Variants in ADGRL3 observed in about 807,000 individuals in gnomAD.
ADGRL3 encodes calcium-independent alpha-latrotoxin receptor 3.
In ADGRL3, 62 loss-of-function variants were observed where a neutral mutation model predicts 153.5. The ratio of observed to expected loss-of-function variants is 0.40; its 90% confidence interval spans 0.33 to 0.50. ADGRL3 has a LOEUF of 0.50. ADGRL3 is among the 20% of genes least tolerant of loss of function. The pLI is 0.47. For synonymous variants in ADGRL3, 710 were observed against 672.5 expected (o/e 1.06, Z -0.86); for missense variants, 1,641 against 1,859.4 (o/e 0.88, Z 2.16).
At chr4:62,069,329 A>C (rs965580319) in intron 26 of ADGRL3, among the ~76,000 whole-genome samples, 2 of 152,148 alleles carry the variant, frequency 1.3e-5, no homozygotes, top group Non-Finnish European at 2.9e-5. Context: ...ATTCTTTTGT[A>C]GTATTACCTA....
chr4:61,320,879 A>G (rs954037088), intron 1 of ADGRL3, among the ~76,000 whole-genome samples: 2 of 152,178 alleles, frequency 1.3e-5, no homozygotes, highest in Non-Finnish European at 2.9e-5. Context: ...AGATGTTTTC[A>G]GGGCAGAGTT....
chr4:61,791,660 T>A (rs1204592408), intron 8 of ADGRL3, among the ~76,000 whole-genome samples: 1 of 152,224 alleles, frequency 6.6e-6, no homozygotes, highest in Non-Finnish European at 1.5e-5. Context: ...CCTTCTGCAC[T>A]GCCCTAGCAG....
intron 25 of ADGRL3, among the ~76,000 whole-genome samples, chr4:62,051,718 G>A (rs530810399): frequency 5.9e-5 from 9 of 151,588 alleles, no homozygotes; most frequent in South Asian, 2.1e-4. Flanking sequence ...ATTTCCTCAC[G>A]TTTTTTGATT....
intron 5 of ADGRL3, among the ~76,000 whole-genome samples, chr4:61,619,233 C>G (rs921177012): frequency 6.6e-6 from 1 of 152,072 alleles, no homozygotes; most frequent in Non-Finnish European, 1.5e-5. Context: ...GTGCATAGAC[C>G]GTACAAAGTT....
chr4:61,490,552 C>G (rs899649168), intron 2 of ADGRL3, among the ~76,000 whole-genome samples: 1 of 152,052 alleles, frequency 6.6e-6, no homozygotes, highest in East Asian at 1.9e-4. Flanking sequence ...AGTTTGTCCT[C>G]TATGAATTTC....
At chr4:61,878,167 A>G (rs144495960) in intron 9 of ADGRL3, among the ~76,000 whole-genome samples, 373 of 152,246 alleles carry the variant, frequency 2.4e-3, no homozygotes, top group Non-Finnish European at 4.2e-3. Context: ...CTATGTCCTA[A>G]TCTCCCCTTC....
Position 61,541,203 on chromosome 4 carries a change from A to T in ADGRL3, c.259+23685A>T, listed in dbSNP as rs181533970. Among the ~76,000 whole-genome samples, 50 of 152,250 alleles carry T rather than the reference A, an allele frequency of 3.3e-4. 1 individual carries two copies. Among genetic ancestry groups the T allele is most frequent in the Admixed American group, 2.7e-3 (42 of 15,298 alleles). ...CAAATAAAAGTACTGAAGCAGCTTG[A>T]TTGCCTAGTCTTGGTTGTCTTTGTT... On this transcript the variant is annotated intron_variant, in intron 4 of 26. Coordinates refer to ENST00000683033, the MANE Select transcript of ADGRL3 (RefSeq NM_001387552.1).
chr4:61,460,330 T>A (rs917900137), intron 2 of ADGRL3, among the ~76,000 whole-genome samples: 18 of 152,108 alleles, frequency 1.2e-4, no homozygotes, highest in African/African-American at 4.1e-4. Flanking sequence ...AGGGTGTCCT[T>A]TCCCCAACGT....
chr4:61,901,655 T>C (rs539611992), intron 11 of ADGRL3, among the ~76,000 whole-genome samples: 3 of 152,326 alleles, frequency 2.0e-5, no homozygotes, highest in African/African-American at 7.2e-5. Context: ...ATGCTATGTG[T>C]AATTCCTTTA....
At chr4:61,400,260 G>C (rs1476326512) in intron 2 of ADGRL3, among the ~76,000 whole-genome samples, 2 of 151,756 alleles carry the variant, frequency 1.3e-5, no homozygotes, top group Non-Finnish European at 3.0e-5. Context: ...AATATTACCA[G>C]TGGATTTGAG....
chr4:61,821,329 TTTTATTTATTTA>T (rs34109310), intron 9 of ADGRL3, among the ~76,000 whole-genome samples: 15 of 149,952 alleles, frequency 1.0e-4, no homozygotes, highest in Middle Eastern at 3.4e-3. Flanking sequence ...GTGAACTACT[TTTTATTTATTTA>T]TTTATTTATT....
At chr4:61,316,715 G>T (rs1578239364) in intron 1 of ADGRL3, among the ~76,000 whole-genome samples, 1 of 152,236 alleles carries the variant, frequency 6.6e-6, no homozygotes, top group African/African-American at 2.4e-5. Flanking sequence ...GCTGTCAACT[G>T]TAAAAAGAAC....
chr4:62,071,729 T>C lies in ADGRL3; in HGVS notation c.*821T>C. The C allele has an allele frequency of 2.4e-6, 1 of 423,340 alleles. No individual in the cohort carries two copies. Among genetic ancestry groups the C allele is most frequent in the Non-Finnish European group, 4.7e-6 (1 of 214,830 alleles). The allele number at this position is 423,340 out of a possible 1,614,324, so 26.2% of individuals were successfully genotyped here. A position where few individuals can be genotyped will look rare whatever the true frequency, so the allele number is the denominator to read the frequency against. On this transcript the variant is annotated 3_prime_UTR_variant, in exon 27 of 27. Coordinates refer to ENST00000683033, the MANE Select transcript of ADGRL3 (RefSeq NM_001387552.1). Reference sequence around the variant, plus strand: ...GCAAAGTTTCCTTCCTTTCTTCTCTTTCTTCATTTTCTTTTTTTCTTTTTT... The same window carrying C: ...GCAAAGTTTCCTTCCTTTCTTCTCTCTCTTCATTTTCTTTTTTTCTTTTTT...
At chr4:61,868,746 T>G (rs1202860102) in intron 9 of ADGRL3, among the ~76,000 whole-genome samples, 1 of 152,172 alleles carries the variant, frequency 6.6e-6, no homozygotes, top group Admixed American at 6.5e-5. Context: ...ACAATTAAAG[T>G]CCTTGGCAAG....
intron 1 of ADGRL3, among the ~76,000 whole-genome samples, chr4:61,366,688 T>G (rs1197476475): frequency 1.3e-5 from 2 of 152,312 alleles, no homozygotes; most frequent in African/African-American, 4.8e-5. Context: ...TTTAGTAAAT[T>G]TGCTTTTGTA....
At chr4:61,592,221 T>A (rs1279523309) in intron 5 of ADGRL3, among the ~76,000 whole-genome samples, 1 of 152,072 alleles carries the variant, frequency 6.6e-6, no homozygotes, top group Non-Finnish European at 1.5e-5. Flanking sequence ...ATGCTAAGGA[T>A]TTTTTCAATA....
At chr4:61,813,668 A>G (rs759923165) in intron 8 of ADGRL3, 141 bp from the exon 9 acceptor site, 100 of 815,218 alleles carry the variant, frequency 1.2e-4, no homozygotes, top group Non-Finnish European at 1.8e-4. Context: ...CATTGTTTTT[A>G]TGTTTGGGCA....
chr4:61,274,694 C>A (rs1470408282), intron 1 of ADGRL3, among the ~76,000 whole-genome samples: 1 of 152,016 alleles, frequency 6.6e-6, no homozygotes, highest in Non-Finnish European at 1.5e-5. Context: ...GAGGCAGAGG[C>A]AGGAGGATTG....
chr4:61,475,817 C>G (rs917013126), intron 2 of ADGRL3, among the ~76,000 whole-genome samples: 1 of 152,120 alleles, frequency 6.6e-6, no homozygotes, highest in African/African-American at 2.4e-5. Flanking sequence ...GTGCTGAAAC[C>G]TGTAGACGTT....
Sources: allele counts gnomAD v4.1 joint callset (sites outside exome capture counted in the v4.1 genomes callset), GRCh38; gene constraint gnomAD v4.1.1; transcripts MANE v1.5; gene names NCBI Gene and HGNC (gene_info 2026-07-23, HGNC 2026-07-21).